PEX14: variants seen among roughly 807,000 people sequenced by gnomAD.
PEX14 encodes peroxisomal biogenesis factor 14, also known as peroxisomal membrane protein PEX14.
PEX14 carries 15 observed loss-of-function variants against 49.5 expected under a neutral mutation model. The observed-to-expected ratio is 0.30, with a 90% CI of 0.20 to 0.47. The LOEUF is 0.47. Ranked by LOEUF, PEX14 falls within the 20% of genes least tolerant of loss-of-function variation. The pLI is 1.00. For missense variants in PEX14, 398 were observed against 494.8 expected, an observed-to-expected ratio of 0.80 and a Z score of 1.86; for synonymous variants, 210 against 212.7, an observed-to-expected ratio of 0.99 and a Z score of 0.11.
chr1:10,582,020 A>C (rs1570303941), intron 3 of PEX14, among the ~76,000 whole-genome samples: 1 of 118,738 alleles, frequency 8.4e-6, no homozygotes, highest in Non-Finnish European at 1.9e-5. Flanking sequence ...TGATTAAATT[A>C]AATTTTATAG....
At chr1:10,592,093 C>T (rs967113293) in intron 3 of PEX14, among the ~76,000 whole-genome samples, 1 of 152,154 alleles carries the variant, frequency 6.6e-6, no homozygotes, top group Non-Finnish European at 1.5e-5. Flanking sequence ...CTTCTGAAAA[C>T]AGGAGCAAGA....
intron 3 of PEX14, among the ~76,000 whole-genome samples, chr1:10,568,517 CATT>C (rs889852157): frequency 2.0e-5 from 3 of 151,856 alleles, no homozygotes; most frequent in African/African-American, 7.3e-5. Context: ...AACAGTGAAT[CATT>C]ATTATATTAT....
At chr1:10,619,425 T>C (rs180934085) in intron 5 of PEX14, among the ~76,000 whole-genome samples, 3 of 151,688 alleles carry the variant, frequency 2.0e-5, no homozygotes, top group African/African-American at 7.3e-5. Context: ...CAAGCAATTC[T>C]CCTGTCTCAG....
In PEX14 at chr1:10,623,889, A is replaced by G. The variant is rs61776274; in HGVS notation, c.488-451A>G. On this transcript the variant is annotated intron_variant, in intron 6 of 8. Coordinates refer to ENST00000356607, the MANE Select transcript of PEX14 (RefSeq NM_004565.3). This position sits in a 1 kb window ranked among gnomAD's most constrained non-coding sequence, Gnocchi z 4.4. ...CTTGGGTCAGGTGGGGAGGGTGGGA[A>G]GGAGCAGTGGGAAACAGGACGTGCG... 2.7e-3 allele frequency among the ~76,000 whole-genome samples: 417 copies of G among 152,252 alleles called. 3 individuals are homozygous for G. Among genetic ancestry groups the G allele is most frequent in the African/African-American group, 9.3e-3 (385 of 41,552 alleles).
intron 3 of PEX14, among the ~76,000 whole-genome samples, chr1:10,548,333 C>T (rs1207042928): frequency 9.9e-5 from 15 of 152,146 alleles, no homozygotes; most frequent in Admixed American, 8.5e-4. Context: ...AGAGTTTCCA[C>T]CAAAGGGACT....
intron 1 of PEX14, among the ~76,000 whole-genome samples, chr1:10,489,095 C>T (rs1641424411): frequency 6.6e-6 from 1 of 152,190 alleles, no homozygotes; most frequent in Admixed American, 6.5e-5. Flanking sequence ...ATTCTCCTAC[C>T]TCAGCCTCCC....
intron 3 of PEX14, among the ~76,000 whole-genome samples, chr1:10,550,008 C>T (rs1468377389): frequency 1.3e-5 from 2 of 152,272 alleles, no homozygotes; most frequent in African/African-American, 4.8e-5. Context: ...TCTTACAAGG[C>T]ATGGTGCTGG....
chr1:10,515,034 G>GGCT (rs1641947077), intron 2 of PEX14, among the ~76,000 whole-genome samples: 1 of 152,184 alleles, frequency 6.6e-6, no homozygotes, highest in Non-Finnish European at 1.5e-5. Flanking sequence ...GGGAGAGCCA[G>GGCT]GCTGCTGCCT....
chr1:10,577,380 A>AG (rs1640147183), intron 3 of PEX14, among the ~76,000 whole-genome samples: 1 of 124,088 alleles, frequency 8.1e-6, no homozygotes. Flanking sequence ...CTGGGTGACA[A>AG]AGTAATACTC....
At chr1:10,588,930 G>T (rs1290680345) in intron 3 of PEX14, among the ~76,000 whole-genome samples, 1 of 151,968 alleles carries the variant, frequency 6.6e-6, no homozygotes, top group East Asian at 1.9e-4. Context: ...TGTGAAAGAG[G>T]AAAAAAAATT....
intron 4 of PEX14, among the ~76,000 whole-genome samples, chr1:10,608,092 C>G (rs752904245): frequency 6.6e-6 from 1 of 152,146 alleles, no homozygotes; most frequent in African/African-American, 2.4e-5. Flanking sequence ...TTCAGCCTCC[C>G]AAGTAGTGGG....
rs1386812276 is a variant in PEX14 at position 10,628,436 on chromosome 1, A to G, written c.677+1073A>G. ...TTCACTAGGGTCCAGGATGGGGTGC[A>G]GAGGGGTCTTGCGGCTCCAGCCAGA... On this transcript the variant is annotated intron_variant, in intron 8 of 8. Coordinates refer to ENST00000356607, the MANE Select transcript of PEX14 (RefSeq NM_004565.3). This position sits in a 1 kb window ranked among gnomAD's most constrained non-coding sequence, Gnocchi z 4.5. Among the ~76,000 whole-genome samples, 5 of 152,232 alleles carry G rather than the reference A, an allele frequency of 3.3e-5. No individual in the cohort carries two copies. The highest frequency in any genetic ancestry group is 1.2e-4 in the African/African-American group (5 of 41,466).
intron 2 of PEX14, among the ~76,000 whole-genome samples, chr1:10,526,256 C>G (rs1213024036): frequency 1.4e-5 from 2 of 140,746 alleles, no homozygotes; most frequent in African/African-American, 2.6e-5. Flanking sequence ...GAGTCGTGCT[C>G]TGTTGCTCAG....
At chr1:10,501,456 C>T (rs1429279026) in intron 2 of PEX14, among the ~76,000 whole-genome samples, 1 of 152,166 alleles carries the variant, frequency 6.6e-6, no homozygotes, top group Non-Finnish European at 1.5e-5. Context: ...CAGGCGCCCG[C>T]CACCTCGCCC....
intron 3 of PEX14, among the ~76,000 whole-genome samples, chr1:10,543,998 C>G (rs1374702197): frequency 6.6e-6 from 1 of 152,170 alleles, no homozygotes; most frequent in African/African-American, 2.4e-5. Context: ...CAAAGATGGT[C>G]CTGCTGAGTC....
chr1:10,520,617 C>G (rs901354736), intron 2 of PEX14, among the ~76,000 whole-genome samples: 2 of 152,164 alleles, frequency 1.3e-5, no homozygotes, highest in African/African-American at 2.4e-5. Flanking sequence ...CTAATTGCAT[C>G]AAAACCACTC....
intron 1 of PEX14, among the ~76,000 whole-genome samples, chr1:10,482,958 T>TA (rs1456117678): frequency 4.6e-5 from 7 of 152,216 alleles, no homozygotes; most frequent in African/African-American, 1.7e-4. Context: ...TTTGTTCCCT[T>TA]ACATTTAGAT....
chr1:10,536,453 A>G (rs1262124583), intron 3 of PEX14, 156 bp downstream of exon 3: 1 of 667,608 alleles, frequency 1.5e-6, no homozygotes, highest in Non-Finnish European at 2.8e-6. Flanking sequence ...CCAGTGGGGC[A>G]TGCAGGTTTC....
intron 3 of PEX14, among the ~76,000 whole-genome samples, chr1:10,543,631 T>C (rs1444363510): frequency 6.6e-6 from 1 of 152,044 alleles, no homozygotes; most frequent in Non-Finnish European, 1.5e-5. Context: ...GGACCCAATA[T>C]TATATAACAG....
Sources: gnomAD v4.1 joint callset for allele counts (sites outside exome capture counted in the v4.1 genomes callset) on GRCh38, gnomAD v4.1.1 for gene constraint, Gnocchi (gnomAD v3.1) non-coding constraint, MANE v1.5 for transcripts, NCBI Gene and HGNC (gene_info 2026-07-23, HGNC 2026-07-21) for gene names.